The following RPS10 variants were observed in gnomAD, a reference collection of about 807,000 sequenced individuals.
RPS10 encodes small ribosomal subunit protein eS10.
Under a neutral mutation model 22.6 loss-of-function variants are expected in RPS10, and 2 were observed. That is an observed-to-expected ratio of 0.09 (90% CI 0.04 to 0.28). The LOEUF (loss-of-function observed/expected upper bound fraction) is 0.28, where lower values mean the gene tolerates loss of function less well. Ranked by LOEUF, RPS10 falls within the 10% of genes least tolerant of loss-of-function variation. The pLI, the probability that RPS10 is intolerant of heterozygous loss-of-function variation, is 1.00. For missense variants in RPS10, 137 were observed against 222.2 expected, an observed-to-expected ratio of 0.62 and a Z score of 2.44; for synonymous variants, 70 against 75.9, an observed-to-expected ratio of 0.92 and a Z score of 0.40.
chr6:34,420,371 C>T (rs1038925229), intron 4 of RPS10, among the ~76,000 whole-genome samples: 3 of 152,078 alleles, frequency 2.0e-5, no homozygotes, highest in Admixed American at 1.3e-4. Context: ...GGCAGGCACA[C>T]ACCATCATGC....
chr6:34,425,389 A>T, intron 1 of RPS10, 168 bp from the exon 2 acceptor site: 1 of 774,058 alleles, frequency 1.3e-6, no homozygotes, highest in Admixed American at 2.2e-5. Flanking sequence ...GTCAGTCCCC[A>T]CCCCCAAACA....
At position 34,421,799 on chromosome 6, in the gene RPS10, C is replaced by T; in HGVS notation, c.331G>A (p.Gly111Ser). The T allele has an allele frequency of 6.2e-7, 1 of 1,613,848 alleles. No individual in the cohort carries two copies. The highest frequency in any genetic ancestry group is 8.5e-7 in the Non-Finnish European group (1 of 1,179,848). Residue 111 changes from glycine to serine, a missense_variant, in exon 4 of 6, where the codon GGT becomes AGT. Transcript: ENST00000648437. Reference protein sequence around the residue: ...TGRPRPKGLEGERPARLTRGE... With the variant: ...TGRPRPKGLESERPARLTRGE... ...CTTGTGAGTCTCGCAGGTCGCTCACCCTCCAGACCTATGTAAATCAAACCA... is the reference window on the plus strand; with the variant it reads ...CTTGTGAGTCTCGCAGGTCGCTCACTCTCCAGACCTATGTAAATCAAACCA...
intron 1 of RPS10, 149 bp from the exon 2 acceptor site, chr6:34,425,370 G>GCC: frequency 1.0e-6 from 1 of 1,004,934 alleles, no homozygotes; most frequent in South Asian, 1.4e-5. Flanking sequence ...TTCGGCAGAG[G>GCC]CCAGCTCCGT....
chr6:34,424,984 G>A lies in RPS10; in HGVS notation c.150+88C>T, dbSNP rs777745584. On this transcript the variant is annotated intron_variant, in intron 2 of 5. Transcript: ENST00000648437. ...TTTTTGAACTTGCCTTGAACCTTAG[G>A]GGAAGATCCCTCCATCCCATTCCAT... The A allele has an allele frequency of 2.1e-4, 334 of 1,609,856 alleles. 1 individual carries two copies. The highest frequency in any genetic ancestry group is 2.1e-3 in the Middle Eastern group (11 of 5,304).
chr6:34,425,444 G>A (rs1581932627), intron 1 of RPS10: 3 of 561,452 alleles, frequency 5.3e-6, no homozygotes, highest in East Asian at 3.3e-5. Context: ...CCAGGATAGT[G>A]GTGCACATTC....
chr6:34,421,592 G>T, intron 4 of RPS10, 138 bp downstream of exon 4: 1 of 907,012 alleles, frequency 1.1e-6, no homozygotes, highest in Non-Finnish European at 1.8e-6. Context: ...CTGTTCTGAT[G>T]CTCTGCAGAG....
At chr6:34,424,991 T>G (rs1459630780) in intron 2 of RPS10, 81 bp downstream of exon 2, 7 of 1,607,632 alleles carry the variant, frequency 4.4e-6, no homozygotes, top group Non-Finnish European at 6.0e-6. Flanking sequence ...TAGGGGAAGA[T>G]CCCTCCATCC....
At chr6:34,421,022 T>TA (rs751404903) in intron 4 of RPS10, among the ~76,000 whole-genome samples, 6,694 of 115,050 alleles carry the variant, frequency 0.058, 206 homozygotes, top group Non-Finnish European at 0.084. Context: ...GAAAGAAAAT[T>TA]AAAAAAAAAA....
intron 4 of RPS10, among the ~76,000 whole-genome samples, chr6:34,420,167 A>T (rs548974970): frequency 4.6e-5 from 7 of 152,300 alleles, no homozygotes; most frequent in African/African-American, 1.7e-4. Context: ...CACATTGGGT[A>T]CAAGAATAGG....
intron 4 of RPS10, among the ~76,000 whole-genome samples, chr6:34,421,411 T>C (rs1247562256): frequency 6.6e-6 from 1 of 151,526 alleles, no homozygotes; most frequent in East Asian, 1.9e-4. Context: ...CTCGAACTCC[T>C]GACCTCAAGT....
chr6:34,417,621 G>C lies in RPS10; in HGVS notation c.457-74C>G. ...TCTTTGGAGGTTTTGCTAACTTTCA[G>C]GCCTCATTATAACTCCAGAGGCCCC... On this transcript the variant is annotated intron_variant, in intron 5 of 5. Transcript: ENST00000648437. The C allele has an allele frequency of 2.0e-6, 3 of 1,482,878 alleles. No homozygotes were observed. The South Asian group carries it at 3.4e-5, about 17-fold the overall frequency. 91.9% of individuals were successfully genotyped at this position (1,482,878 alleles called of 1,614,324 possible).
chr6:34,424,432 C>T (rs1022042691), intron 3 of RPS10: 22 of 542,512 alleles, frequency 4.1e-5, no homozygotes, highest in Non-Finnish European at 6.6e-5. Flanking sequence ...GATGTTTGTA[C>T]AGGTGTGGGT....
At chr6:34,424,581 A>G in intron 3 of RPS10, 88 bp downstream of exon 3, 1 of 1,550,736 alleles carries the variant, frequency 6.4e-7, no homozygotes, top group Non-Finnish European at 8.8e-7. Flanking sequence ...AGAGCCCTCT[A>G]AAGCTGACAT....
intron 1 of RPS10, 25 bp from the exon 2 acceptor site, chr6:34,425,246 G>C (rs1765915026): frequency 1.3e-6 from 2 of 1,588,704 alleles, no homozygotes; most frequent in Non-Finnish European, 1.7e-6. Context: ...CGATTGTCAA[G>C]AGCACTTCTG....
chr6:34,425,179 G>C lies in RPS10; in HGVS notation c.43C>G (p.Leu15Val). Residue 15 changes from leucine (L) to valine (V), a missense_variant, in exon 2 of 6, where the codon CTT (leucine) becomes GTT (valine). Transcript: ENST00000648437. ...KKNRIAIYEL[L>V]FKEGVMVAKK... ...GCCACCATGACTCCCTCCTTAAAAA[G>C]GAGTTCATAAATGGCAATCCGGTTC... 1 of 1,613,678 alleles carries C rather than the reference G, an allele frequency of 6.2e-7. No individual in the cohort carries two copies. The highest frequency in any genetic ancestry group is 1.7e-5 in the Admixed American group (1 of 59,930).
At chr6:34,420,986 TGACAGAGC>T (rs1169274569) in intron 4 of RPS10, among the ~76,000 whole-genome samples, 3 of 147,180 alleles carry the variant, frequency 2.0e-5, no homozygotes, top group Non-Finnish European at 4.5e-5. Context: ...CCAGCCTGGG[TGACAGAGC>T]GAGACTGTCT....
intron 5 of RPS10, chr6:34,417,754 A>G (rs1765627846): frequency 2.8e-6 from 2 of 721,274 alleles, no homozygotes; most frequent in African/African-American, 3.5e-5. Context: ...CTTCATTGGT[A>G]AAGTGGGAGT....
intron 4 of RPS10, among the ~76,000 whole-genome samples, chr6:34,421,302 GCCT>G (rs1765758288): frequency 6.6e-6 from 1 of 151,824 alleles, no homozygotes; most frequent in Admixed American, 6.6e-5. Flanking sequence ...TCATGCCTCA[GCCT>G]CCTAAGTAGC....
At chr6:34,420,610 A>T (rs1411900862) in intron 4 of RPS10, among the ~76,000 whole-genome samples, 1 of 152,140 alleles carries the variant, frequency 6.6e-6, no homozygotes, top group Non-Finnish European at 1.5e-5. Flanking sequence ...TACTCAGGTC[A>T]AGTGGTCACT....
Sources: gnomAD v4.1 joint callset for allele counts (sites outside exome capture counted in the v4.1 genomes callset) on GRCh38, gnomAD v4.1.1 for gene constraint, MANE v1.5 for transcripts, NCBI Gene and HGNC (gene_info 2026-07-23, HGNC 2026-07-21) for gene names.